SLC28A3: variants seen among roughly 807,000 people sequenced by gnomAD.
SLC28A3 encodes solute carrier family 28 member 3.
In SLC28A3, 68 loss-of-function variants were observed where a neutral mutation model predicts 84.2. The observed-to-expected ratio is 0.81, with a 90% CI of 0.66 to 0.99. The LOEUF (loss-of-function observed/expected upper bound fraction) is 0.99. Ranked by LOEUF, SLC28A3 falls within the 50% of genes least tolerant of loss-of-function variation. The pLI, the probability that SLC28A3 is intolerant of heterozygous loss-of-function variation, is 0.00. For synonymous variants in SLC28A3, 267 were observed against 303.6 expected, an observed-to-expected ratio of 0.88 and a Z score of 1.25; for missense variants, 712 against 841.5, an observed-to-expected ratio of 0.85 and a Z score of 1.90.
Position 84,285,355 on chromosome 9 carries a change from T to C in SLC28A3, c.1637A>G (p.Gln546Arg). 2 of 1,614,084 alleles carry C rather than the reference T, an allele frequency of 1.2e-6. No homozygotes were observed. The highest frequency in any genetic ancestry group is 1.7e-6 in the Non-Finnish European group (2 of 1,179,968). The change falls in exon 14 of 18, where the codon CAA becomes CGA. Residue 546 changes from glutamine to arginine, a missense_variant. Physicochemically the swap from Gln to Arg is conservative, Grantham distance 43. Coordinates refer to ENST00000376238, the MANE Select transcript of SLC28A3 (RefSeq NM_001199633.2). ...GGPKFVNGVQ[Q>R]YISIRSEIIA... ...AAAATATTTACTCACTGATATATAT[T>C]GCTGCACACCGTTTACAAATTTGGG...
At chr9:84,306,994 CAAAAAAAAAAAAAA>C (rs150442323) in intron 3 of SLC28A3, among the ~76,000 whole-genome samples, 2 of 25,940 alleles carry the variant, frequency 7.7e-5, no homozygotes, top group Non-Finnish European at 1.4e-4. Context: ...CTTGTCTCTA[CAAAAAAAAAAAAAA>C]AAAAAAAAAA....
intron 8 of SLC28A3, among the ~76,000 whole-genome samples, chr9:84,295,135 C>T (rs1825366324): frequency 6.7e-6 from 1 of 150,304 alleles, no homozygotes; most frequent in African/African-American, 2.5e-5. Context: ...AAACATGGTG[C>T]CCCCCCTACT....
At chr9:84,325,803 A>T (rs999563054) in intron 1 of SLC28A3, among the ~76,000 whole-genome samples, 2 of 152,074 alleles carry the variant, frequency 1.3e-5, no homozygotes, top group African/African-American at 4.8e-5. Flanking sequence ...CTGACCGGTG[A>T]CTCCTTAGCC....
chr9:84,336,794 C>T (rs962810275), intron 1 of SLC28A3, among the ~76,000 whole-genome samples: 1 of 152,208 alleles, frequency 6.6e-6, no homozygotes, highest in Non-Finnish European at 1.5e-5. Flanking sequence ...TACCGTGTTC[C>T]CTTCCTCCAT....
At chr9:84,363,240 T>C in the SLC28A3 span, among the ~76,000 whole-genome samples, 1 of 152,118 alleles carries the variant, frequency 6.6e-6, no homozygotes, top group African/African-American at 2.4e-5. Context: ...TATTAGGAGA[T>C]TGAACGAAGG....
chr9:84,307,493 G>T (rs529995291), intron 3 of SLC28A3, among the ~76,000 whole-genome samples: 8 of 151,266 alleles, frequency 5.3e-5, no homozygotes, highest in African/African-American at 1.9e-4. Context: ...AAGTATCATA[G>T]TGTATCATTC....
At chr9:84,323,487 T>C (rs1230015305) in intron 1 of SLC28A3, among the ~76,000 whole-genome samples, 1 of 150,760 alleles carries the variant, frequency 6.6e-6, no homozygotes, top group Non-Finnish European at 1.5e-5. Context: ...TGCAGTGGCA[T>C]GATCTCGGCT....
intron 2 of SLC28A3, among the ~76,000 whole-genome samples, chr9:84,311,412 A>AC (rs149172664): frequency 0.029 from 4,371 of 152,086 alleles, 208 homozygotes; most frequent in African/African-American, 0.098. Context: ...ATTTGTTACA[A>AC]CTGAGGAGCC....
At chr9:84,278,386 G>T in intron 17 of SLC28A3, 42 bp from the exon 18 acceptor site, 1 of 1,610,568 alleles carries the variant, frequency 6.2e-7, no homozygotes, top group Non-Finnish European at 8.5e-7. Flanking sequence ...AGCCATAGAT[G>T]GCAGAAACAG....
intron 5 of SLC28A3, among the ~76,000 whole-genome samples, chr9:84,300,225 TG>T (rs1355222744): frequency 6.6e-6 from 1 of 152,240 alleles, no homozygotes; most frequent in Non-Finnish European, 1.5e-5. Context: ...AATTAAGTAC[TG>T]GGTCTCCTTA....
rs79178168 is a variant in SLC28A3 at position 84,306,718 on chromosome 9, G to A, written c.243-1373C>T. On this transcript the variant is annotated intron_variant, in intron 3 of 17. Coordinates refer to ENST00000376238, the MANE Select transcript of SLC28A3 (RefSeq NM_001199633.2). ...AGCCATACAGCACTATGAGTAGAAC[G>A]TTGGATATTAAGGATGTTCAACAGA... is the stretch of plus-strand genomic sequence containing the variant. Among the ~76,000 whole-genome samples, 807 of 152,230 alleles carry A rather than the reference G, an allele frequency of 5.3e-3. 12 individuals are homozygous for A. The highest frequency in any genetic ancestry group is 0.019 in the African/African-American group (783 of 41,538).
chr9:84,288,631 C>A (rs1167636684), intron 11 of SLC28A3, among the ~76,000 whole-genome samples: 1 of 152,066 alleles, frequency 6.6e-6, no homozygotes, highest in Non-Finnish European at 1.5e-5. Context: ...CTGCAACCTC[C>A]GCCTCCCTGG....
chr9:84,279,209 G>A (rs1039645412), intron 17 of SLC28A3, 56 bp downstream of exon 17: 17 of 1,353,880 alleles, frequency 1.3e-5, no homozygotes, highest in Non-Finnish European at 1.7e-5. Flanking sequence ...ATATTTAGGT[G>A]TGATTTGATT....
chr9:84,290,613 T>G (rs1030618026), intron 10 of SLC28A3, among the ~76,000 whole-genome samples: 1 of 152,174 alleles, frequency 6.6e-6, no homozygotes, highest in African/African-American at 2.4e-5. Flanking sequence ...GTATAAATTT[T>G]GTAAAATTCG....
At position 84,302,400 on chromosome 9, in the gene SLC28A3, A is replaced by G; in HGVS notation, c.335-11T>C. ...CCATAACCAGATAACCTGTCCAGGAAGCAAAAACAGACACTGAACATCACT... is the reference window on the plus strand; with the variant it reads ...CCATAACCAGATAACCTGTCCAGGAGGCAAAAACAGACACTGAACATCACT... On this transcript the variant is annotated splice_polypyrimidine_tract_variant and intron_variant, in intron 4 of 17. Transcript: ENST00000376238. 1 of 1,611,210 alleles carries G rather than the reference A, an allele frequency of 6.2e-7. No homozygotes were observed. Among genetic ancestry groups the G allele is most frequent in the Non-Finnish European group, 8.5e-7 (1 of 1,178,904 alleles).
chr9:84,276,696 C>G lies in SLC28A3; in HGVS notation c.*1522G>C, dbSNP rs1036176955. 6.9e-6 allele frequency: 1 copy of G among 145,624 alleles called. No homozygotes were observed. The highest frequency in any genetic ancestry group is 1.5e-5 in the Non-Finnish European group (1 of 66,684). 9.0% of individuals were successfully genotyped at this position (145,624 alleles called of 1,614,324 possible). ...ATAAGAAATATTTTAGTATATCATACTTCAGGGATAAACAGTCCTCTGGAC... is the reference window on the plus strand; with the variant it reads ...ATAAGAAATATTTTAGTATATCATAGTTCAGGGATAAACAGTCCTCTGGAC... On this transcript the variant is annotated 3_prime_UTR_variant, in exon 18 of 18. Transcript: ENST00000376238.
the SLC28A3 span, among the ~76,000 whole-genome samples, chr9:84,353,801 T>C: frequency 6.6e-6 from 1 of 152,238 alleles, no homozygotes; most frequent in East Asian, 1.9e-4. Context: ...TGTAAACCTA[T>C]GTAGGTTTAT....
chr9:84,328,922 T>C (rs1826675693), intron 1 of SLC28A3, among the ~76,000 whole-genome samples: 1 of 152,122 alleles, frequency 6.6e-6, no homozygotes, highest in South Asian at 2.1e-4. Context: ...AATGAGACCC[T>C]ATCTCCAACA....
At chr9:84,286,835 G>A (rs1163487153) in intron 12 of SLC28A3, among the ~76,000 whole-genome samples, 1 of 151,964 alleles carries the variant, frequency 6.6e-6, no homozygotes, top group Non-Finnish European at 1.5e-5. Context: ...TAATCTCAGA[G>A]GTATCTGTCT....
Sources: allele counts gnomAD v4.1 joint callset (sites outside exome capture counted in the v4.1 genomes callset), GRCh38; gene constraint gnomAD v4.1.1; transcripts MANE v1.5; gene names NCBI Gene and HGNC (gene_info 2026-07-23, HGNC 2026-07-21).